NNT: variants seen among roughly 807,000 people sequenced by gnomAD.
The protein encoded by NNT is nicotinamide nucleotide transhydrogenase, also known as NAD(P) transhydrogenase, mitochondrial.
In NNT, 50 loss-of-function variants were observed where a neutral mutation model predicts 104.8. That is an observed-to-expected ratio of 0.48 (90% CI 0.38 to 0.60). The LOEUF is 0.60. Among genes scored for constraint, NNT ranks in the 20% least tolerant of loss-of-function variants. The pLI, the probability that NNT is intolerant of heterozygous loss-of-function variation, is 0.00. For synonymous variants in NNT, 461 were observed against 490.4 expected (o/e 0.94, Z 0.79); for missense variants, 1,131 against 1,330.7 (o/e 0.85, Z 2.33).
intron 2 of NNT, among the ~76,000 whole-genome samples, chr5:43,610,160 A>G (rs1749427549): frequency 6.8e-6 from 1 of 146,222 alleles, no homozygotes; most frequent in Non-Finnish European, 1.5e-5. Flanking sequence ...GAAGGAGGAG[A>G]GGCTAAAAAG....
chr5:43,675,683 A>G lies in NNT; in HGVS notation c.2794+13A>G. 6.3e-7 allele frequency: 1 copy of G among 1,578,938 alleles called. No homozygotes were observed. Among genetic ancestry groups the G allele is most frequent in the Non-Finnish European group, 8.6e-7 (1 of 1,163,554 alleles). On this transcript the variant is annotated intron_variant, in intron 18 of 21. Transcript: ENST00000344920. Reference sequence around the variant, plus strand: ...ATTATTACACCAGGTAAAGAAAAAAAGCAAAAGCAAATAACCTATAATAGC... The same window carrying G: ...ATTATTACACCAGGTAAAGAAAAAAGGCAAAAGCAAATAACCTATAATAGC...
At chr5:43,637,108 C>T (rs764595596) in intron 7 of NNT, among the ~76,000 whole-genome samples, 18 of 152,134 alleles carry the variant, frequency 1.2e-4, no homozygotes, top group Non-Finnish European at 2.2e-4. Context: ...ATAAAGCTCA[C>T]ATATAAAGTA....
In NNT at chr5:43,615,615, C is replaced by T. The variant is rs528438233; in HGVS notation, c.382-233C>T. 3.3e-5 allele frequency among the ~76,000 whole-genome samples: 5 copies of T among 152,182 alleles called. No homozygotes were observed. The East Asian group carries it at 9.6e-4, about 29-fold the overall frequency. On this transcript the variant is annotated intron_variant, in intron 3 of 21. Transcript: ENST00000344920. Reference sequence around the variant, plus strand: ...AACCAGTCTCAGTATTTTGTATTTCCCAGGTGTGTGTGCCCTTTACTCAGA... The same window carrying T: ...AACCAGTCTCAGTATTTTGTATTTCTCAGGTGTGTGTGCCCTTTACTCAGA...
In NNT at chr5:43,707,288, A is replaced by G. The variant is rs1249053672; in HGVS notation, c.*2884A>G. The G allele has an allele frequency of 1.3e-5, 2 of 152,320 alleles. No individual in the cohort carries two copies. The highest frequency in any genetic ancestry group is 4.8e-5 in the African/African-American group (2 of 41,584). 9.4% of individuals were successfully genotyped at this position (152,320 alleles called of 1,614,324 possible). ...GTGAAGTGTTCTCACCACAAAAGTGATAACTAATTGAGGTAATGCACATAT... is the reference window on the plus strand; with the variant it reads ...GTGAAGTGTTCTCACCACAAAAGTGGTAACTAATTGAGGTAATGCACATAT... On this transcript the variant is annotated 3_prime_UTR_variant, in exon 22 of 22. Transcript: ENST00000344920.
Position 43,611,579 on chromosome 5 carries a change from C to A in NNT, c.152-1329C>A, listed in dbSNP as rs111420452. Among the ~76,000 whole-genome samples the A allele has an allele frequency of 4.8e-3, 729 of 152,256 alleles. 5 individuals are homozygous for A. Among genetic ancestry groups the A allele is most frequent in the African/African-American group, 0.016 (655 of 41,554 alleles). On this transcript the variant is annotated intron_variant, in intron 2 of 21. Coordinates refer to ENST00000344920, the MANE Select transcript of NNT (RefSeq NM_182977.3). The stretch of plus-strand genomic sequence containing the variant: ...TCTCCTTCCAGTAAGGAGTAAGATT[C>A]AGCATTATTTGCCTTTCGTGTACTG...
At chr5:43,687,769 G>A (rs1263470202) in intron 19 of NNT, among the ~76,000 whole-genome samples, 1 of 152,120 alleles carries the variant, frequency 6.6e-6, no homozygotes, top group Non-Finnish European at 1.5e-5. Flanking sequence ...TTTACAACTA[G>A]CTCAACAAAA....
chr5:43,625,475 G>C (rs1242543307), intron 6 of NNT, among the ~76,000 whole-genome samples: 1 of 152,056 alleles, frequency 6.6e-6, no homozygotes, highest in Non-Finnish European at 1.5e-5. Flanking sequence ...TAGCTCATTA[G>C]TTACTCTAGT....
chr5:43,606,142 T>G (rs1749215999), intron 1 of NNT, among the ~76,000 whole-genome samples: 1 of 152,156 alleles, frequency 6.6e-6, no homozygotes, highest in Non-Finnish European at 1.5e-5. Flanking sequence ...AATACAGGAC[T>G]CTATTAAAGC....
intron 10 of NNT, chr5:43,648,054 C>A: frequency 8.2e-7 from 1 of 1,219,624 alleles, no homozygotes; most frequent in Non-Finnish European, 1.1e-6. Flanking sequence ...CTTAAGAAAA[C>A]ATATTCTTAT....
At chr5:43,664,722 T>C (rs1262255937) in intron 17 of NNT, among the ~76,000 whole-genome samples, 1 of 152,180 alleles carries the variant, frequency 6.6e-6, no homozygotes, top group Non-Finnish European at 1.5e-5. Flanking sequence ...TCATTAATCA[T>C]TTAAGCCGGC....
intron 7 of NNT, among the ~76,000 whole-genome samples, chr5:43,639,154 C>G (rs1269156179): frequency 6.6e-6 from 1 of 152,044 alleles, no homozygotes; most frequent in Non-Finnish European, 1.5e-5. Flanking sequence ...AATTTTTTCT[C>G]CAGTCACAGA....
At chr5:43,666,970 C>A (rs1740736004) in intron 17 of NNT, 4 of 1,593,774 alleles carry the variant, frequency 2.5e-6, no homozygotes, top group Non-Finnish European at 3.4e-6. Flanking sequence ...GCGGCTGACA[C>A]CCTTTGGGAT....
Position 43,629,154 on chromosome 5 carries a change from C to G in NNT, c.964+767C>G, listed in dbSNP as rs34784550. ...ATGTTTAGTCTTTTATCCCTCACCC[C>G]CCCTCCCACTCTTAACCCCTGAGTC... On this transcript the variant is annotated intron_variant, in intron 7 of 21. Coordinates refer to ENST00000344920, the MANE Select transcript of NNT (RefSeq NM_182977.3). Among the ~76,000 whole-genome samples the G allele has an allele frequency of 3.5e-4, 53 of 152,088 alleles. 1 individual carries two copies. Among genetic ancestry groups the G allele is most frequent in the African/African-American group, 1.2e-3 (51 of 41,508 alleles).
chr5:43,660,354 C>A (rs1364514485), intron 17 of NNT, among the ~76,000 whole-genome samples: 1 of 152,138 alleles, frequency 6.6e-6, no homozygotes, highest in Non-Finnish European at 1.5e-5. Context: ...TACTTCCTAG[C>A]TTTTCTGTTT....
chr5:43,657,528 C>T (rs1303842034), intron 16 of NNT, among the ~76,000 whole-genome samples: 2 of 152,134 alleles, frequency 1.3e-5, no homozygotes, highest in African/African-American at 4.8e-5. Context: ...AAATTATCTA[C>T]AGTAACTAAC....
intron 6 of NNT, among the ~76,000 whole-genome samples, 194 bp from the exon 7 acceptor site, chr5:43,628,006 C>G (rs1750458331): frequency 6.6e-6 from 1 of 151,704 alleles, no homozygotes; most frequent in Non-Finnish European, 1.5e-5. Flanking sequence ...TTTTTTCTTT[C>G]AGAAAAGAAT....
intron 6 of NNT, 147 bp from the exon 7 acceptor site, chr5:43,628,053 T>A: frequency 1.8e-6 from 1 of 556,566 alleles, no homozygotes; most frequent in South Asian, 6.5e-5. Flanking sequence ...TAGAAAAAAA[T>A]TGGAACAATT....
chr5:43,676,433 T>C (rs1335596518), intron 18 of NNT, among the ~76,000 whole-genome samples: 2 of 152,212 alleles, frequency 1.3e-5, no homozygotes, highest in Non-Finnish European at 2.9e-5. Context: ...TAGGAGACAT[T>C]AGCTGAATTG....
chr5:43,620,422 A>G (rs1038706090), intron 5 of NNT, among the ~76,000 whole-genome samples: 2 of 151,824 alleles, frequency 1.3e-5, no homozygotes, highest in Non-Finnish European at 2.9e-5. Flanking sequence ...GGGTTTCACC[A>G]TGTTGGCGAG....
Sources: gnomAD v4.1 joint callset for allele counts (sites outside exome capture counted in the v4.1 genomes callset) on GRCh38, gnomAD v4.1.1 for gene constraint, MANE v1.5 for transcripts, NCBI Gene and HGNC (gene_info 2026-07-23, HGNC 2026-07-21) for gene names.